Variants in LRRC2 observed in about 807,000 individuals in gnomAD.
LRRC2 encodes the protein leucine-rich repeat-containing protein 2.
Under a neutral mutation model 40.2 loss-of-function variants are expected in LRRC2, and 27 were observed. That is an observed-to-expected ratio of 0.67 (90% CI 0.49 to 0.93). The LOEUF (loss-of-function observed/expected upper bound fraction) is 0.93, where lower values mean the gene tolerates loss of function less well. LRRC2 is among the 40% of genes least tolerant of loss of function. The pLI is 0.00. For missense variants in LRRC2, 402 were observed against 439.6 expected (o/e 0.91, Z 0.76); for synonymous variants, 147 against 158.9 (o/e 0.92, Z 0.56).
chr3:46,541,563 C>T (rs1054899486), intron 3 of LRRC2, among the ~76,000 whole-genome samples: 3 of 152,060 alleles, frequency 2.0e-5, no homozygotes, highest in Non-Finnish European at 4.4e-5. Context: ...AACCAGACAG[C>T]CGGAAGATGG....
Position 46,559,755 on chromosome 3 carries a change from C to A in LRRC2, c.-20+6422G>T, listed in dbSNP as rs564311750. 7.2e-5 allele frequency: 11 copies of A among 152,244 alleles called. No individual in the cohort carries two copies. In the South Asian group the frequency reaches 2.3e-3, roughly 32 times the overall value. The allele number at this position is 152,244 out of a possible 1,614,324, so 9.4% of individuals were successfully genotyped here. A position where few individuals can be genotyped will look rare whatever the true frequency, so the allele number is the denominator to read the frequency against. On this transcript the variant is annotated intron_variant, in intron 1 of 8. Coordinates refer to ENST00000395905, the MANE Select transcript of LRRC2 (RefSeq NM_024512.5). ...GAAATTTAATTACCAAAGGCCCTGA[C>A]ATATTTTTAAGTAGTTATAAGTCAT...
intron 4 of LRRC2, among the ~76,000 whole-genome samples, chr3:46,534,438 T>A (rs1393514229): frequency 7.4e-6 from 1 of 134,950 alleles, no homozygotes; most frequent in Non-Finnish European, 1.5e-5. Flanking sequence ...CTTTCTTTCT[T>A]TCTTTCTTTC....
At chr3:46,557,459 A>G (rs1167366352) in intron 1 of LRRC2, 2 of 152,226 alleles carry the variant, frequency 1.3e-5, no homozygotes, top group African/African-American at 2.4e-5. Flanking sequence ...TGCTCACACA[A>G]AGCCTGTTTG....
chr3:46,551,731 A>G (rs1266764335), intron 1 of LRRC2, 121 bp from the exon 2 acceptor site: 2 of 445,326 alleles, frequency 4.5e-6, no homozygotes, highest in South Asian at 5.8e-5. Flanking sequence ...ATGCCTTACT[A>G]CTTCAAGGAT....
chr3:46,565,788 CACAA>C (rs1705044574), intron 1 of LRRC2, among the ~76,000 whole-genome samples: 2 of 152,236 alleles, frequency 1.3e-5, no homozygotes, highest in Admixed American at 6.5e-5. Context: ...CCATTCAGGA[CACAA>C]ACAAAGTTGA....
Position 46,515,656 on chromosome 3 carries a change from A to G in LRRC2, c.*3358T>C, listed in dbSNP as rs927591000. On this transcript the variant is annotated 3_prime_UTR_variant, in exon 9 of 9. Transcript: ENST00000395905. ...ACATGAAATAATTATATATCAATGC[A>G]GTATTTTTTTCATATGTGACAGTGA... The G allele has an allele frequency of 1.3e-5, 2 of 152,178 alleles. No homozygotes were observed. Among genetic ancestry groups the G allele is most frequent in the East Asian group, 3.8e-4 (2 of 5,204 alleles). The allele number at this position is 152,178 out of a possible 1,614,324, so 9.4% of individuals were successfully genotyped here. A position where few individuals can be genotyped will look rare whatever the true frequency, so the allele number is the denominator to read the frequency against.
rs1432290712 is a variant in LRRC2 at position 46,551,501 on chromosome 3, C to G, written c.91G>C (p.Glu31Gln). ...VKKHKAWQKK[E>Q]VERLEKSALE... ...GCGCTCTTCTCAAGCCTTTCCACCT[C>G]CTTCTTCTGCCAAGCTTTGTGCTTC... The change falls in exon 2 of 9, where the codon GAG (glutamate) becomes CAG (glutamine). Residue 31 changes from glutamate (E) to glutamine (Q), a missense_variant. Physicochemically the swap from Glu to Gln is conservative, Grantham distance 29. Coordinates refer to ENST00000395905, the MANE Select transcript of LRRC2 (RefSeq NM_024512.5). 2 of 1,614,076 alleles carry G rather than the reference C, an allele frequency of 1.2e-6. No individual in the cohort carries two copies. The highest frequency in any genetic ancestry group is 2.2e-5 in the South Asian group (2 of 91,024).
chr3:46,532,973 C>T, intron 4 of LRRC2, 64 bp from the exon 5 acceptor site: 1 of 1,523,338 alleles, frequency 6.6e-7, no homozygotes, highest in Non-Finnish European at 9.0e-7. Context: ...GAACAAAAAG[C>T]AAAACTAAGA....
At chr3:46,527,399 G>A (rs1270908044) in intron 7 of LRRC2, 27 bp downstream of exon 7, 3 of 1,613,138 alleles carry the variant, frequency 1.9e-6, no homozygotes, top group Middle Eastern at 1.7e-4. Context: ...GTCTGAGTGT[G>A]TCTACTGGGA....
chr3:46,546,850 C>T (rs1412839879), intron 2 of LRRC2, among the ~76,000 whole-genome samples: 1 of 151,740 alleles, frequency 6.6e-6, no homozygotes, highest in Non-Finnish European at 1.5e-5. Flanking sequence ...TCCCCAGTAG[C>T]TGGGATTACA....
In LRRC2 at chr3:46,561,074, G is replaced by A. The variant is rs974221377; in HGVS notation, c.-20+5103C>T. 1.6e-4 allele frequency among the ~76,000 whole-genome samples: 25 copies of A among 152,190 alleles called. 1 individual carries two copies. Among genetic ancestry groups the A allele is most frequent in the Non-Finnish European group, 7.3e-5 (5 of 68,034 alleles). On this transcript the variant is annotated intron_variant, in intron 1 of 8. Coordinates refer to ENST00000395905, the MANE Select transcript of LRRC2 (RefSeq NM_024512.5). ...CCAATAAGCAAAATTGAAGATATATGTAGGCGTTTACATAACAAAGGAGAA... is the reference window on the plus strand; with the variant it reads ...CCAATAAGCAAAATTGAAGATATATATAGGCGTTTACATAACAAAGGAGAA...
chr3:46,528,319 C>T (rs1279445286), intron 6 of LRRC2, among the ~76,000 whole-genome samples: 1 of 150,106 alleles, frequency 6.7e-6, no homozygotes, highest in African/African-American at 2.5e-5. Context: ...ATGAGAAAGA[C>T]GGGGTCTCAC....
At chr3:46,550,377 C>CTTTTTT (rs34602158) in intron 2 of LRRC2, among the ~76,000 whole-genome samples, 18 of 84,024 alleles carry the variant, frequency 2.1e-4, no homozygotes, top group Middle Eastern at 0.011. Flanking sequence ...CCTTACACAT[C>CTTTTTT]TTTTTTTTTT....
At chr3:46,564,213 C>T (rs956512972) in intron 1 of LRRC2, among the ~76,000 whole-genome samples, 1 of 151,554 alleles carries the variant, frequency 6.6e-6, no homozygotes, top group Admixed American at 6.6e-5. Flanking sequence ...CCTGCAGGGA[C>T]CTTGAGGAAG....
At chr3:46,539,739 C>A (rs148905223) in intron 3 of LRRC2, among the ~76,000 whole-genome samples, 38 of 152,358 alleles carry the variant, frequency 2.5e-4, no homozygotes, top group Non-Finnish European at 4.6e-4. Context: ...GTCACGCCAC[C>A]TCCCTGGGTC....
At chr3:46,519,971 C>T (rs1274532762) in intron 8 of LRRC2, among the ~76,000 whole-genome samples, 1 of 151,904 alleles carries the variant, frequency 6.6e-6, no homozygotes, top group Non-Finnish European at 1.5e-5. Flanking sequence ...TGAATATTAG[C>T]AATATCATGT....
chr3:46,560,324 C>G (rs1704906940), intron 1 of LRRC2, among the ~76,000 whole-genome samples: 1 of 152,178 alleles, frequency 6.6e-6, no homozygotes, highest in East Asian at 1.9e-4. Context: ...CTCAGCAGCT[C>G]AGGGGAGAGA....
At chr3:46,554,636 T>C (rs1436639085) in intron 1 of LRRC2, among the ~76,000 whole-genome samples, 1 of 120,956 alleles carries the variant, frequency 8.3e-6, no homozygotes, top group Non-Finnish European at 1.7e-5. Flanking sequence ...AGCAAGACTC[T>C]GTCTTAAAAA....
In LRRC2 at chr3:46,539,041, A is replaced by AT; in HGVS notation, c.490+3dup. The AT allele has an allele frequency of 1.2e-6, 2 of 1,613,338 alleles. No homozygotes were observed. The highest frequency in any genetic ancestry group is 1.7e-6 in the Non-Finnish European group (2 of 1,179,684). ...GCCCGAAGACCCCTGCTAAGTTGAC[A>AT]TACCGATTTCTGCTGGAAGATGTGA... On this transcript the variant is annotated splice_donor_region_variant and intron_variant, in intron 4 of 8. Transcript: ENST00000395905.
Sources: gnomAD v4.1 joint callset for allele counts (sites outside exome capture counted in the v4.1 genomes callset) on GRCh38, gnomAD v4.1.1 for gene constraint, MANE v1.5 for transcripts, NCBI Gene and HGNC (gene_info 2026-07-23, HGNC 2026-07-21) for gene names.